Variants in ASTN1 observed in about 807,000 individuals in gnomAD.
ASTN1 encodes the protein astrotactin 1, also known as astrotactin-1.
ASTN1 carries 41 observed loss-of-function variants against 140.7 expected under a neutral mutation model. The observed-to-expected ratio is 0.29, with a 90% CI of 0.23 to 0.38. The LOEUF is 0.38. Ranked by LOEUF, ASTN1 falls within the 10% of genes least tolerant of loss-of-function variation. ASTN1 has a pLI of 1.00. For missense variants in ASTN1, 1,479 were observed against 1,678.8 expected, an observed-to-expected ratio of 0.88 and a Z score of 2.08; for synonymous variants, 640 against 652.2, an observed-to-expected ratio of 0.98 and a Z score of 0.29.
intron 2 of ASTN1, among the ~76,000 whole-genome samples, chr1:177,034,341 T>A (rs1391643569): frequency 1.3e-5 from 2 of 151,816 alleles, no homozygotes; most frequent in Admixed American, 6.6e-5. Context: ...CAGAGTCAGC[T>A]GCCAAGTGAC....
At chr1:177,041,661 C>A (rs1189384446) in intron 2 of ASTN1, among the ~76,000 whole-genome samples, 1 of 152,244 alleles carries the variant, frequency 6.6e-6, no homozygotes, top group African/African-American at 2.4e-5. Flanking sequence ...AAAATAATAA[C>A]AATAATCTAC....
chr1:176,883,110 A>G, intron 19 of ASTN1, 116 bp from the exon 20 acceptor site: 1 of 1,388,678 alleles, frequency 7.2e-7, no homozygotes, highest in Non-Finnish European at 9.9e-7. Flanking sequence ...CTCAATCTCT[A>G]GAGTAGAGAA....
chr1:177,108,653 G>A (rs891210760), intron 1 of ASTN1, among the ~76,000 whole-genome samples: 8 of 152,070 alleles, frequency 5.3e-5, no homozygotes, highest in African/African-American at 1.4e-4. Context: ...CCACCTTTTG[G>A]TTATTGTGGA....
chr1:176,862,596 C>A lies in ASTN1; in HGVS notation c.*1688G>T. 1.0e-6 allele frequency: 1 copy of A among 983,456 alleles called. No individual in the cohort carries two copies. Among genetic ancestry groups the A allele is most frequent in the Non-Finnish European group, 1.2e-6 (1 of 828,210 alleles). 60.9% of individuals were successfully genotyped at this position (983,456 alleles called of 1,614,324 possible). A position where few individuals can be genotyped will look rare whatever the true frequency, so the allele number is the denominator to read the frequency against. On this transcript the variant is annotated 3_prime_UTR_variant, in exon 23 of 23. Coordinates refer to ENST00000361833, the MANE Select transcript of ASTN1 (RefSeq NM_004319.3). ...ATCCCAGAGTAGCTAAGATCCTGTG[C>A]CCTGGAGACCAACAGCCTGAAATCA...
chr1:177,047,088 C>A (rs1031553351), intron 2 of ASTN1, among the ~76,000 whole-genome samples: 25 of 152,148 alleles, frequency 1.6e-4, no homozygotes, highest in African/African-American at 6.0e-4. Flanking sequence ...TCCCTCCCAG[C>A]AAGGAGCTTA....
At chr1:176,937,639 T>G (rs1171958924) in intron 14 of ASTN1, among the ~76,000 whole-genome samples, 1 of 152,202 alleles carries the variant, frequency 6.6e-6, no homozygotes, top group Non-Finnish European at 1.5e-5. Context: ...TTAGCTTTAT[T>G]TCTATGCTTA....
intron 20 of ASTN1, among the ~76,000 whole-genome samples, chr1:176,876,852 C>T (rs998839149): frequency 3.9e-5 from 6 of 152,176 alleles, no homozygotes; most frequent in African/African-American, 1.4e-4. Context: ...TTGTAATTTG[C>T]TGTCTTGGGT....
At chr1:176,922,358 C>T (rs1008878637) in intron 16 of ASTN1, among the ~76,000 whole-genome samples, 1 of 151,978 alleles carries the variant, frequency 6.6e-6, no homozygotes, top group African/African-American at 2.4e-5. Flanking sequence ...CAGCTGGGCA[C>T]TTTTATTTTT....
At chr1:176,983,945 T>A (rs938779227) in intron 8 of ASTN1, among the ~76,000 whole-genome samples, 1 of 152,204 alleles carries the variant, frequency 6.6e-6, no homozygotes, top group African/African-American at 2.4e-5. Flanking sequence ...AAATGACAGA[T>A]GCTGGGCCTG....
intron 17 of ASTN1, among the ~76,000 whole-genome samples, chr1:176,893,515 C>T (rs943620857): frequency 1.3e-5 from 2 of 152,188 alleles, no homozygotes; most frequent in African/African-American, 2.4e-5. Flanking sequence ...TTCAAACACT[C>T]GGTGAAATAT....
At chr1:177,109,917 A>T (rs574787872) in intron 1 of ASTN1, among the ~76,000 whole-genome samples, 1 of 152,210 alleles carries the variant, frequency 6.6e-6, no homozygotes, top group South Asian at 2.1e-4. Flanking sequence ...AGTTTCTCAG[A>T]CTCACTGATT....
At chr1:176,891,547 A>T (rs1357037931) in intron 17 of ASTN1, among the ~76,000 whole-genome samples, 2 of 152,144 alleles carry the variant, frequency 1.3e-5, no homozygotes, top group Non-Finnish European at 2.9e-5. Context: ...TAATCCCAAC[A>T]CTTTCGGAGG....
Position 177,145,859 on chromosome 1 carries a change from G to T in ASTN1, c.283+18535C>A, listed in dbSNP as rs1420021093. 2.0e-5 allele frequency among the ~76,000 whole-genome samples: 3 copies of T among 152,204 alleles called. No individual in the cohort carries two copies. In the South Asian group the frequency reaches 6.2e-4, roughly 32 times the overall value. ...AATTCTCCCTGGAATATCAGGGTCA[G>T]TTCCCAGCTGAAGTACCATGGGAGT... On this transcript the variant is annotated intron_variant, in intron 1 of 22. Coordinates refer to ENST00000361833, the MANE Select transcript of ASTN1 (RefSeq NM_004319.3).
chr1:176,896,008 C>A (rs1022820616), intron 16 of ASTN1, among the ~76,000 whole-genome samples: 6 of 152,126 alleles, frequency 3.9e-5, no homozygotes, highest in Admixed American at 3.9e-4. Context: ...TTTGGAGGCA[C>A]TGGTTGGAAG....
At chr1:177,113,897 T>A (rs940989192) in intron 1 of ASTN1, among the ~76,000 whole-genome samples, 4 of 152,186 alleles carry the variant, frequency 2.6e-5, no homozygotes, top group Non-Finnish European at 5.9e-5. Flanking sequence ...TGTCTCTACA[T>A]AGCAGGGAGT....
intron 18 of ASTN1, among the ~76,000 whole-genome samples, chr1:176,886,317 G>A (rs1252045003): frequency 6.6e-6 from 1 of 152,176 alleles, no homozygotes; most frequent in Non-Finnish European, 1.5e-5. Flanking sequence ...GTAAACACAG[G>A]TTTAAAAACA....
intron 1 of ASTN1, among the ~76,000 whole-genome samples, chr1:177,140,807 G>C (rs1270929083): frequency 6.6e-6 from 1 of 152,244 alleles, no homozygotes; most frequent in Non-Finnish European, 1.5e-5. Context: ...CTAGTTAAGA[G>C]CAGAGGCTTT....
At chr1:177,075,605 T>C (rs1022817976) in intron 1 of ASTN1, among the ~76,000 whole-genome samples, 4 of 151,348 alleles carry the variant, frequency 2.6e-5, no homozygotes, top group African/African-American at 9.7e-5. Flanking sequence ...GAGCAACATT[T>C]TTTCTTTCTT....
intron 1 of ASTN1, among the ~76,000 whole-genome samples, chr1:177,098,694 T>A (rs1680161470): frequency 6.6e-6 from 1 of 152,100 alleles, no homozygotes; most frequent in East Asian, 1.9e-4. Context: ...AACAATGATT[T>A]GAGAAAAAAA....
Sources: allele counts gnomAD v4.1 joint callset (sites outside exome capture counted in the v4.1 genomes callset), GRCh38; gene constraint gnomAD v4.1.1; transcripts MANE v1.5; gene names NCBI Gene and HGNC (gene_info 2026-07-23, HGNC 2026-07-21).